Variants in TENM4 observed in about 807,000 individuals in gnomAD.
TENM4 encodes teneurin-4.
In TENM4, 82 loss-of-function variants were observed where a neutral mutation model predicts 243.3. The observed-to-expected ratio is 0.34, with a 90% CI of 0.28 to 0.40. The LOEUF is 0.40. Ranked by LOEUF, TENM4 falls within the 10% of genes least tolerant of loss-of-function variation. TENM4 has a pLI of 1.00. For synonymous variants in TENM4, 1,412 were observed against 1,456.3 expected (o/e 0.97, Z 0.69); for missense variants, 3,138 against 3,673.3 (o/e 0.85, Z 3.77).
intron 15 of TENM4, among the ~76,000 whole-genome samples, chr11:78,788,666 A>C (rs1260676345): frequency 6.6e-6 from 1 of 152,272 alleles, no homozygotes; most frequent in Non-Finnish European, 1.5e-5. Flanking sequence ...ACAAAGATCA[A>C]GCAACTCAAG....
intron 13 of TENM4, among the ~76,000 whole-genome samples, chr11:78,813,503 T>G (rs1393862706): frequency 6.6e-6 from 1 of 152,206 alleles, no homozygotes. Flanking sequence ...GATTGGGTCT[T>G]GCCTAGCACA....
At position 78,856,150 on chromosome 11, in the gene TENM4, G is replaced by A. The variant is rs1270996484; in HGVS notation, c.1284C>T (p.Asp428=). Residue 428 remains aspartate, a synonymous_variant, in exon 11 of 34, where the codon GAC becomes GAT. Transcript: ENST00000278550. ...CAATTTCTCCAGAATCTATGAAACTGTCCTCTGGAAAGAAACTACTGGGCT... is the reference window on the plus strand; with the variant it reads ...CAATTTCTCCAGAATCTATGAAACTATCCTCTGGAAAGAAACTACTGGGCT... ...EGKPSSFFPE[D]SFIDSGEIDV... 1 of 1,551,490 alleles carries A rather than the reference G, an allele frequency of 6.4e-7. No homozygotes were observed. Among genetic ancestry groups the A allele is most frequent in the African/African-American group, 1.4e-5 (1 of 73,034 alleles).
chr11:78,880,756 C>A (rs1238621135), intron 9 of TENM4, among the ~76,000 whole-genome samples: 1 of 152,190 alleles, frequency 6.6e-6, no homozygotes, highest in Non-Finnish European at 1.5e-5. Flanking sequence ...CTCAACAACA[C>A]TGAAATATCT....
At chr11:79,064,305 ATGC>A (rs1288370984) in intron 6 of TENM4, among the ~76,000 whole-genome samples, 4 of 152,210 alleles carry the variant, frequency 2.6e-5, no homozygotes, top group Non-Finnish European at 5.9e-5. Flanking sequence ...ACAACATAAG[ATGC>A]TGATGTGGGA....
Position 78,691,503 on chromosome 11 carries a change from T to C in TENM4, c.5088-3277A>G, listed in dbSNP as rs544576210. ...AGGTACATGATAAACACTTGCTGAA[T>C]GCCAAAATATGGAAAAAACAACTCT... On this transcript the variant is annotated intron_variant, in intron 28 of 33. Transcript: ENST00000278550. 1.2e-4 allele frequency among the ~76,000 whole-genome samples: 18 copies of C among 152,360 alleles called. No homozygotes were observed. The South Asian group carries it at 3.7e-3, about 32-fold the overall frequency.
intron 3 of TENM4, among the ~76,000 whole-genome samples, chr11:79,164,879 T>C (rs371353819): frequency 6.6e-6 from 1 of 151,674 alleles, no homozygotes; most frequent in Non-Finnish European, 1.5e-5. Context: ...GAACGGTAAG[T>C]CCAAGTAAAC....
chr11:79,248,689 T>G (rs1346440125), intron 2 of TENM4, among the ~76,000 whole-genome samples: 1 of 152,258 alleles, frequency 6.6e-6, no homozygotes, highest in East Asian at 1.9e-4. Context: ...AAGAGACCTT[T>G]GAGTTATGAA....
intron 2 of TENM4, among the ~76,000 whole-genome samples, chr11:79,284,056 G>T (rs186128802): frequency 6.6e-6 from 1 of 152,098 alleles, no homozygotes; most frequent in African/African-American, 2.4e-5. Context: ...AATTAAAGCC[G>T]CCTTGAATAA....
At chr11:78,742,564 T>G (rs1213870808) in intron 19 of TENM4, among the ~76,000 whole-genome samples, 7 of 152,214 alleles carry the variant, frequency 4.6e-5, no homozygotes, top group Non-Finnish European at 1.0e-4. Context: ...CACTTGGGTT[T>G]GGCATATGTC....
intron 18 of TENM4, 112 bp downstream of exon 18, chr11:78,770,880 C>T: frequency 7.0e-7 from 1 of 1,436,840 alleles, no homozygotes; most frequent in Non-Finnish European, 9.3e-7. Flanking sequence ...GCAGGTCCCC[C>T]TGACTGGATG....
At chr11:78,849,501 C>T (rs1858481486) in intron 12 of TENM4, among the ~76,000 whole-genome samples, 1 of 152,118 alleles carries the variant, frequency 6.6e-6, no homozygotes, top group Non-Finnish European at 1.5e-5. Context: ...TATCTATTGT[C>T]TAAACTTCTT....
intron 12 of TENM4, among the ~76,000 whole-genome samples, chr11:78,841,198 A>T (rs1858251321): frequency 6.6e-6 from 1 of 152,178 alleles, no homozygotes; most frequent in Non-Finnish European, 1.5e-5. Context: ...AGATAAGGAA[A>T]CTGAGGCACT....
intron 12 of TENM4, among the ~76,000 whole-genome samples, chr11:78,815,864 G>A (rs1260314919): frequency 6.6e-6 from 1 of 152,230 alleles, no homozygotes; most frequent in East Asian, 1.9e-4. Flanking sequence ...AAATCAAAGA[G>A]GCAAGACTGC....
At chr11:79,387,067 A>G (rs1479957411) in intron 1 of TENM4, among the ~76,000 whole-genome samples, 1 of 152,222 alleles carries the variant, frequency 6.6e-6, no homozygotes. Context: ...CTATGCAGCA[A>G]TGAAATGAAT....
At chr11:79,387,583 G>T (rs545330059) in intron 1 of TENM4, among the ~76,000 whole-genome samples, 1 of 152,246 alleles carries the variant, frequency 6.6e-6, no homozygotes, top group South Asian at 2.1e-4. Flanking sequence ...CTTACATATG[G>T]AACACACATA....
chr11:79,017,632 G>A (rs1386889289), intron 6 of TENM4, among the ~76,000 whole-genome samples: 1 of 152,160 alleles, frequency 6.6e-6, no homozygotes, highest in East Asian at 1.9e-4. Flanking sequence ...AGCACTTTAT[G>A]TTGTTTAACT....
chr11:79,278,346 G>A lies in TENM4; in HGVS notation c.-265+19142C>T, dbSNP rs148974941. 6.1e-4 allele frequency among the ~76,000 whole-genome samples: 93 copies of A among 152,248 alleles called. 1 individual carries two copies. Among genetic ancestry groups the A allele is most frequent in the Admixed American group, 3.9e-3 (59 of 15,302 alleles). Reference sequence around the variant, plus strand: ...CTCCATCAGGAAAATGAGACTGGCCGGACAAATGGACTGATTTGTCAATTT... The same window carrying A: ...CTCCATCAGGAAAATGAGACTGGCCAGACAAATGGACTGATTTGTCAATTT... On this transcript the variant is annotated intron_variant, in intron 2 of 33. Transcript: ENST00000278550.
chr11:78,842,234 T>A (rs1022298303), intron 12 of TENM4, among the ~76,000 whole-genome samples: 1 of 152,214 alleles, frequency 6.6e-6, no homozygotes, highest in Admixed American at 6.5e-5. Flanking sequence ...GATATCACCA[T>A]CCATCTATTC....
At chr11:78,966,685 T>C (rs1163684145) in intron 6 of TENM4, among the ~76,000 whole-genome samples, 3 of 152,150 alleles carry the variant, frequency 2.0e-5, no homozygotes, top group South Asian at 2.1e-4. Context: ...TGAGAAAAGA[T>C]AGGAGCATTA....
Sources: allele counts gnomAD v4.1 joint callset (sites outside exome capture counted in the v4.1 genomes callset), GRCh38; gene constraint gnomAD v4.1.1; transcripts MANE v1.5; gene names NCBI Gene and HGNC (gene_info 2026-07-23, HGNC 2026-07-21).